Variants in NRG1 observed in about 807,000 individuals in gnomAD.
NRG1 encodes pro-neuregulin-1, membrane-bound isoform.
NRG1 carries 18 observed loss-of-function variants against 63.8 expected under a neutral mutation model. The ratio of observed to expected loss-of-function variants is 0.28; its 90% CI spans 0.19 to 0.42. NRG1 has a LOEUF of 0.42. Ranked by LOEUF, NRG1 falls within the 10% of genes least tolerant of loss-of-function variation. NRG1 has a pLI of 1.00. For missense variants in NRG1, 762 were observed against 814.7 expected (o/e 0.94, Z 0.79); for synonymous variants, 302 against 301.3 (o/e 1.00, Z -0.02).
intron 5 of NRG1, among the ~76,000 whole-genome samples, chr8:32,681,132 T>G (rs1358248142): frequency 6.6e-6 from 1 of 152,166 alleles, no homozygotes; most frequent in Non-Finnish European, 1.5e-5. Context: ...GAATCAGATA[T>G]ACAAATGAAG....
At chr8:31,879,192 C>G (rs961194573) in intron 1 of NRG1, among the ~76,000 whole-genome samples, 2 of 152,084 alleles carry the variant, frequency 1.3e-5, no homozygotes, top group Admixed American at 6.5e-5. Flanking sequence ...TTTCCTATAG[C>G]AGTGTTAGGT....
At chr8:32,486,381 AG>A (rs1331516620) in intron 1 of NRG1, among the ~76,000 whole-genome samples, 7 of 152,340 alleles carry the variant, frequency 4.6e-5, no homozygotes, top group African/African-American at 1.7e-4. Flanking sequence ...CTGCCCTTTA[AG>A]AATCCATAAA....
At chr8:31,679,024 C>T (rs1808039377) in intron 1 of NRG1, among the ~76,000 whole-genome samples, 1 of 151,862 alleles carries the variant, frequency 6.6e-6, no homozygotes, top group Non-Finnish European at 1.5e-5. Context: ...AGTTAATCTT[C>T]ACCATAGGTA....
exon 12 of NRG1, chr8:32,767,273 G>T (rs1831499374): frequency 6.6e-6 from 1 of 152,198 alleles, no homozygotes; most frequent in African/African-American, 2.4e-5. Context: ...TGTCTTGTTA[G>T]AGGTGAAGTT....
chr8:32,760,125 A>T, intron 10 of NRG1, 75 bp from the exon 11 acceptor site: 9 of 1,471,006 alleles, frequency 6.1e-6, no homozygotes, highest in Non-Finnish European at 8.5e-6. Flanking sequence ...GTCAGAATCC[A>T]TTCCTTTCAT....
intron 4 of NRG1, 61 bp downstream of exon 4, chr8:32,614,625 C>A: frequency 6.7e-7 from 1 of 1,496,098 alleles, no homozygotes; most frequent in Non-Finnish European, 9.3e-7. Flanking sequence ...CTGCTGGCTG[C>A]TCCTTCTACT....
downstream of NRG1, among the ~76,000 whole-genome samples, chr8:32,770,989 A>T (rs1433651690): frequency 6.6e-6 from 1 of 152,170 alleles, no homozygotes; most frequent in Admixed American, 6.5e-5. Context: ...AATAAACTTT[A>T]TGTTATCATT....
At chr8:32,542,617 TAAGGCTGCA>T (rs1295845720) in intron 1 of NRG1, among the ~76,000 whole-genome samples, 1 of 152,158 alleles carries the variant, frequency 6.6e-6, no homozygotes, top group Non-Finnish European at 1.5e-5. Flanking sequence ...GCAAAGGCTC[TAAGGCTGCA>T]AAGGATGCAA....
intron 1 of NRG1, among the ~76,000 whole-genome samples, chr8:31,967,475 A>G (rs187951931): frequency 2.0e-5 from 3 of 152,340 alleles, no homozygotes; most frequent in Admixed American, 2.0e-4. Flanking sequence ...GTCAGGGATT[A>G]TAATAGGAAT....
At chr8:32,457,156 A>T (rs181484089) in intron 1 of NRG1, among the ~76,000 whole-genome samples, 1 of 152,038 alleles carries the variant, frequency 6.6e-6, no homozygotes. Context: ...AAATAAATAA[A>T]TTATATCTCC....
intron 1 of NRG1, among the ~76,000 whole-genome samples, chr8:32,589,559 A>G (rs80330318): frequency 6.6e-6 from 1 of 152,204 alleles, no homozygotes; most frequent in South Asian, 2.1e-4. Flanking sequence ...AATTTGTTCA[A>G]TGTGTTGAGG....
chr8:32,397,206 C>T (rs1387491169), intron 1 of NRG1, among the ~76,000 whole-genome samples: 1 of 152,086 alleles, frequency 6.6e-6, no homozygotes, highest in Non-Finnish European at 1.5e-5. Context: ...TATATATTTT[C>T]TCTATTATTT....
intron 5 of NRG1, among the ~76,000 whole-genome samples, chr8:32,721,535 G>T (rs1820638382): frequency 6.6e-6 from 1 of 152,162 alleles, no homozygotes; most frequent in African/African-American, 2.4e-5. Context: ...TGTTTCTTGA[G>T]CAGAGTTCAG....
intron 1 of NRG1, among the ~76,000 whole-genome samples, chr8:32,121,909 A>G (rs1833502512): frequency 6.6e-6 from 1 of 152,076 alleles, no homozygotes; most frequent in Admixed American, 6.6e-5. Context: ...CTTCATTTAC[A>G]TTCAAAACAA....
chr8:32,500,725 G>T (rs535299024), intron 1 of NRG1, among the ~76,000 whole-genome samples: 33 of 152,260 alleles, frequency 2.2e-4, no homozygotes, highest in Middle Eastern at 3.4e-3. Context: ...TGTTTATGAA[G>T]ACATAATCTA....
At chr8:32,129,909 C>G (rs951067169) in intron 1 of NRG1, among the ~76,000 whole-genome samples, 1 of 151,808 alleles carries the variant, frequency 6.6e-6, no homozygotes, top group African/African-American at 2.4e-5. Context: ...AGACATCTGC[C>G]TTTTTCATAT....
intron 2 of NRG1, among the ~76,000 whole-genome samples, chr8:32,600,953 A>G (rs1006549288): frequency 3.3e-5 from 5 of 152,168 alleles, no homozygotes; most frequent in Non-Finnish European, 7.4e-5. Flanking sequence ...AGAGTATGGT[A>G]TCTTACAGAA....
At chr8:32,077,079 A>G (rs978021387) in intron 1 of NRG1, among the ~76,000 whole-genome samples, 1 of 152,200 alleles carries the variant, frequency 6.6e-6, no homozygotes, top group African/African-American at 2.4e-5. Flanking sequence ...TTTAAAAAAA[A>G]TTGTTGGCTA....
chr8:31,670,535 T>G (rs995738844), intron 1 of NRG1, among the ~76,000 whole-genome samples: 1 of 152,076 alleles, frequency 6.6e-6, no homozygotes, highest in South Asian at 2.1e-4. Flanking sequence ...TTGGCAGAAA[T>G]GTACTACTGT....
Sources: allele counts gnomAD v4.1 joint callset (sites outside exome capture counted in the v4.1 genomes callset), GRCh38; gene constraint gnomAD v4.1.1; transcripts MANE v1.5; gene names NCBI Gene and HGNC (gene_info 2026-07-23, HGNC 2026-07-21).